Variants in MAST2 observed in about 807,000 individuals in gnomAD.
The protein encoded by MAST2 is microtubule associated serine/threonine kinase 2.
In MAST2, 70 loss-of-function variants were observed where a neutral mutation model predicts 147.4. That is an observed-to-expected ratio of 0.47 (90% CI 0.39 to 0.58). The LOEUF is 0.58. Ranked by LOEUF, MAST2 falls within the 20% of genes least tolerant of loss-of-function variation. The pLI is 0.00. For synonymous variants in MAST2, 869 were observed against 896.8 expected, an observed-to-expected ratio of 0.97 and a Z score of 0.55; for missense variants, 2,080 against 2,302.3, an observed-to-expected ratio of 0.90 and a Z score of 1.98.
intron 4 of MAST2, among the ~76,000 whole-genome samples, chr1:45,934,977 A>G (rs1244411283): frequency 6.6e-6 from 1 of 152,220 alleles, no homozygotes; most frequent in Admixed American, 6.5e-5. Flanking sequence ...AAATCTCCAA[A>G]CTGCTTTCCA....
In MAST2 at chr1:45,807,119, CTT is replaced by C. The variant is rs1234704060; in HGVS notation, c.177+3050_177+3051del. Among the ~76,000 whole-genome samples the C allele has an allele frequency of 6.6e-5, 10 of 152,290 alleles. No individual in the cohort carries two copies. In the South Asian group the frequency reaches 8.3e-4, roughly 13 times the overall value. Reference sequence around the variant, plus strand: ...CCTTTAAATTACTAAATCTGATAGTCTTTTCCTCATCTTGTCTGACCTCTGTG... The same window carrying C: ...CCTTTAAATTACTAAATCTGATAGTCTTCCTCATCTTGTCTGACCTCTGTG... On this transcript the variant is annotated intron_variant, in intron 1 of 28. Transcript: ENST00000361297.
At chr1:45,924,961 T>G (rs1035277140) in intron 4 of MAST2, among the ~76,000 whole-genome samples, 1 of 152,202 alleles carries the variant, frequency 6.6e-6, no homozygotes, top group South Asian at 2.1e-4. Context: ...GCCTGAACTA[T>G]GAGGAAATAA....
Position 45,943,213 on chromosome 1 carries a change from G to T in MAST2, c.501-16173G>T, listed in dbSNP as rs138691263. On this transcript the variant is annotated intron_variant, in intron 4 of 28. Transcript: ENST00000361297. ...CATGGTAGATTCTTGGAGGCATGAT[G>T]ATGGGTGGGACAAATTAGCAGGGGG... Among the ~76,000 whole-genome samples, 620 of 152,352 alleles carry T rather than the reference G, an allele frequency of 4.1e-3. 2 individuals are homozygous for T. The highest frequency in any genetic ancestry group is 7.6e-3 in the Non-Finnish European group (516 of 68,032).
intron 3 of MAST2, among the ~76,000 whole-genome samples, chr1:45,833,770 A>G (rs1645027177): frequency 6.6e-6 from 1 of 151,906 alleles, no homozygotes; most frequent in African/African-American, 2.4e-5. Context: ...TTTAAAATTG[A>G]ATGTTTCTTT....
chr1:45,976,868 G>A (rs1258665758), intron 5 of MAST2, among the ~76,000 whole-genome samples: 1 of 152,194 alleles, frequency 6.6e-6, no homozygotes, highest in Non-Finnish European at 1.5e-5. Context: ...CCTTAACTTA[G>A]ATAAGGAATA....
intron 4 of MAST2, among the ~76,000 whole-genome samples, chr1:45,922,773 A>C (rs940482937): frequency 4.0e-5 from 6 of 151,850 alleles, no homozygotes; most frequent in African/African-American, 1.5e-4. Context: ...TGGGGCTCCC[A>C]CTTTTCCCTG....
At chr1:45,900,950 T>A (rs1290011478) in intron 4 of MAST2, among the ~76,000 whole-genome samples, 2 of 152,208 alleles carry the variant, frequency 1.3e-5, no homozygotes, top group African/African-American at 4.8e-5. Context: ...TTCTATGGGT[T>A]GTCTTTTTAT....
At chr1:45,832,569 C>A (rs1644992088) in intron 3 of MAST2, among the ~76,000 whole-genome samples, 1 of 152,150 alleles carries the variant, frequency 6.6e-6, no homozygotes, top group Non-Finnish European at 1.5e-5. Context: ...GCTGGGGTTA[C>A]AGGTGTGAGC....
intron 1 of MAST2, among the ~76,000 whole-genome samples, chr1:45,811,885 C>T (rs1188109964): frequency 2.0e-5 from 3 of 151,228 alleles, no homozygotes; most frequent in African/African-American, 4.9e-5. Flanking sequence ...CCGCCTGTCT[C>T]GGCCTCCCAA....
At chr1:45,948,112 C>A (rs769816458) in intron 4 of MAST2, among the ~76,000 whole-genome samples, 1 of 152,222 alleles carries the variant, frequency 6.6e-6, no homozygotes, top group Non-Finnish European at 1.5e-5. Flanking sequence ...CCGCCAACAG[C>A]AGCCAGGGAG....
chr1:45,809,273 T>C (rs1406530878), intron 1 of MAST2, among the ~76,000 whole-genome samples: 1 of 152,216 alleles, frequency 6.6e-6, no homozygotes, highest in African/African-American at 2.4e-5. Context: ...TAGTCATCAG[T>C]TTGAGAAGCT....
intron 3 of MAST2, among the ~76,000 whole-genome samples, chr1:45,830,943 G>A (rs1644937522): frequency 6.6e-6 from 1 of 151,592 alleles, no homozygotes; most frequent in African/African-American, 2.4e-5. Flanking sequence ...GGCTGAGGTG[G>A]GATAATCGCT....
intron 3 of MAST2, among the ~76,000 whole-genome samples, chr1:45,875,433 G>T (rs913767878): frequency 4.6e-5 from 7 of 152,092 alleles, no homozygotes; most frequent in Non-Finnish European, 8.8e-5. Flanking sequence ...GTGACAGAAC[G>T]AGACTTCATC....
At chr1:45,970,569 G>A (rs1011567794) in intron 5 of MAST2, among the ~76,000 whole-genome samples, 1 of 151,356 alleles carries the variant, frequency 6.6e-6, no homozygotes, top group African/African-American at 2.4e-5. Flanking sequence ...TCAGGAGGCT[G>A]AGGCGGGAGA....
At chr1:45,968,366 T>A (rs1643711912) in intron 5 of MAST2, among the ~76,000 whole-genome samples, 1 of 152,166 alleles carries the variant, frequency 6.6e-6, no homozygotes, top group African/African-American at 2.4e-5. Flanking sequence ...GCAAGGCAGA[T>A]CTACTGCTAT....
intron 4 of MAST2, among the ~76,000 whole-genome samples, chr1:45,883,334 A>AT (rs1646928695): frequency 1.3e-5 from 2 of 152,080 alleles, no homozygotes; most frequent in African/African-American, 4.8e-5. Context: ...CCATTTTAGG[A>AT]TTTTGTTTTG....
chr1:46,035,083 C>A lies in MAST2; in HGVS notation c.4414C>A (p.Pro1472Thr). Residue 1472 changes from proline (P) to threonine (T), a missense_variant, in exon 29 of 29, where the codon CCT (proline) becomes ACT (threonine). Coordinates refer to ENST00000361297, the MANE Select transcript of MAST2 (RefSeq NM_015112.3). This position sits in a 1 kb window ranked among gnomAD's most constrained non-coding sequence, Gnocchi z 5.5. ...CCTGCCAGGGAAGGGGGTGCTGCAGCCTGCTCCCTCACGGGCCCTAGGCAC... is the reference window on the plus strand; with the variant it reads ...CCTGCCAGGGAAGGGGGTGCTGCAGACTGCTCCCTCACGGGCCCTAGGCAC... ...GALPGKGVLQ[P>T]APSRALGTLR... The A allele has an allele frequency of 6.2e-7, 1 of 1,613,658 alleles. No individual in the cohort carries two copies. The highest frequency in any genetic ancestry group is 8.5e-7 in the Non-Finnish European group (1 of 1,179,946).
intron 4 of MAST2, among the ~76,000 whole-genome samples, chr1:45,884,838 T>G (rs1408625940): frequency 6.6e-6 from 1 of 152,154 alleles, no homozygotes; most frequent in Non-Finnish European, 1.5e-5. Context: ...AGCTCCCACT[T>G]CTGGACCTGA....
chr1:45,896,580 G>A (rs553961110), intron 4 of MAST2, among the ~76,000 whole-genome samples: 22 of 152,228 alleles, frequency 1.4e-4, no homozygotes, highest in African/African-American at 5.3e-4. Context: ...TCTCTCATGG[G>A]AGAGCCTTAA....
Sources: gnomAD v4.1 joint callset for allele counts (sites outside exome capture counted in the v4.1 genomes callset) on GRCh38, gnomAD v4.1.1 for gene constraint, Gnocchi (gnomAD v3.1) non-coding constraint, MANE v1.5 for transcripts, NCBI Gene and HGNC (gene_info 2026-07-23, HGNC 2026-07-21) for gene names.